The following HACE1 variants were observed in gnomAD, a reference collection of about 807,000 sequenced individuals.
The protein encoded by HACE1 is HECT domain and ankyrin repeat containing E3 ubiquitin protein ligase 1.
A neutral mutation model predicts 118.4 loss-of-function variants in HACE1; 73 were observed. The ratio of observed to expected loss-of-function variants is 0.62; its 90% CI spans 0.51 to 0.75. The LOEUF (loss-of-function observed/expected upper bound fraction) is 0.75, where lower values mean the gene tolerates loss of function less well. HACE1 is among the 30% of genes least tolerant of loss of function. The probability of loss-of-function intolerance (pLI) is 0.00; values close to 1 mark genes in which losing one functional copy is unlikely to be tolerated. For missense variants in HACE1, 749 were observed against 1,102.2 expected, an observed-to-expected ratio of 0.68 and a Z score of 4.54; for synonymous variants, 368 against 374.8, an observed-to-expected ratio of 0.98 and a Z score of 0.21.
chr6:104,750,879 T>C (rs149882838), intron 19 of HACE1, among the ~76,000 whole-genome samples: 9,607 of 152,248 alleles, frequency 0.063, 420 homozygotes, highest in Non-Finnish European at 0.09. Context: ...TTTAAAAATA[T>C]ATATATGTGT....
chr6:104,799,575 C>A (rs1302204645), intron 7 of HACE1, among the ~76,000 whole-genome samples: 1 of 152,094 alleles, frequency 6.6e-6, no homozygotes, highest in Admixed American at 6.5e-5. Context: ...GATGAGAAAA[C>A]CATGGCTCAA....
chr6:104,785,378 A>G, intron 11 of HACE1, 59 bp from the exon 12 acceptor site: 1 of 970,206 alleles, frequency 1.0e-6, no homozygotes, highest in Non-Finnish European at 1.6e-6. Flanking sequence ...TTAAAAAAAA[A>G]AAAACAAAAC....
At chr6:104,787,154 C>T (rs1302519968) in intron 11 of HACE1, 1 of 152,216 alleles carries the variant, frequency 6.6e-6, no homozygotes, top group East Asian at 1.9e-4. Context: ...AACAAAACCA[C>T]CACTACTACA....
chr6:104,850,387 TATG>T (rs1228061514), intron 3 of HACE1, among the ~76,000 whole-genome samples: 5 of 152,196 alleles, frequency 3.3e-5, no homozygotes, highest in African/African-American at 9.7e-5. Context: ...AAAGAAACCA[TATG>T]ATACTTTCAA....
intron 11 of HACE1, among the ~76,000 whole-genome samples, chr6:104,787,660 C>A (rs751343844): frequency 6.6e-6 from 1 of 152,090 alleles, no homozygotes; most frequent in Admixed American, 6.6e-5. Flanking sequence ...TAAGGCCTAA[C>A]GCAAGAAATG....
At chr6:104,790,486 C>T (rs1305921629) in intron 11 of HACE1, among the ~76,000 whole-genome samples, 2 of 152,214 alleles carry the variant, frequency 1.3e-5, no homozygotes, top group Non-Finnish European at 2.9e-5. Context: ...GGTGCAGTGG[C>T]TCACGCCTGC....
At chr6:104,769,670 T>C (rs1384493458) in intron 19 of HACE1, among the ~76,000 whole-genome samples, 1 of 152,184 alleles carries the variant, frequency 6.6e-6, no homozygotes, top group Admixed American at 6.5e-5. Context: ...ATTTTGCATA[T>C]AGTATGAAGA....
chr6:104,838,480 T>C (rs894580270), intron 5 of HACE1, among the ~76,000 whole-genome samples: 2 of 152,098 alleles, frequency 1.3e-5, no homozygotes, highest in Admixed American at 6.6e-5. Flanking sequence ...CTTCAATAAA[T>C]GGTGCGGGAA....
In HACE1 at chr6:104,859,311, A is replaced by G. The variant is rs141053166; in HGVS notation, c.76+256T>C. 739 of 466,774 alleles carry G rather than the reference A, an allele frequency of 1.6e-3. 4 individuals are homozygous for G. Among genetic ancestry groups the G allele is most frequent in the African/African-American group, 0.015 (695 of 47,844 alleles). 28.9% of individuals were successfully genotyped at this position (466,774 alleles called of 1,614,324 possible). ...AGACCCCTAATCGACAGACGTTGCG[A>G]GACCTTTGTCTCGCTCCTCCCAGCA... is the stretch of plus-strand genomic sequence containing the variant. On this transcript the variant is annotated intron_variant, in intron 1 of 23. Coordinates refer to ENST00000262903, the MANE Select transcript of HACE1 (RefSeq NM_020771.4).
At chr6:104,796,414 CT>C (rs1308685599) in intron 9 of HACE1, among the ~76,000 whole-genome samples, 5 of 152,112 alleles carry the variant, frequency 3.3e-5, no homozygotes, top group Non-Finnish European at 7.4e-5. Flanking sequence ...CCAGCCTATT[CT>C]AGTTATCTTA....
intron 17 of HACE1, among the ~76,000 whole-genome samples, chr6:104,774,910 C>T (rs1418182259): frequency 6.6e-6 from 1 of 152,196 alleles, no homozygotes; most frequent in Non-Finnish European, 1.5e-5. Flanking sequence ...ACATTCCCCA[C>T]ATTTAGAAAT....
At position 104,809,332 on chromosome 6, in the gene HACE1, C is replaced by T. The variant is rs1012777403; in HGVS notation, c.617+1979G>A. Among the ~76,000 whole-genome samples, 5 of 152,104 alleles carry T rather than the reference C, an allele frequency of 3.3e-5. No homozygotes were observed. In the East Asian group the frequency reaches 7.7e-4, roughly 23 times the overall value. Reference sequence around the variant, plus strand: ...CTGCGATCAAAAATCTGGGGAACGACCTGCTTAGATTGGTCAGGAACTGCC... The same window carrying T: ...CTGCGATCAAAAATCTGGGGAACGATCTGCTTAGATTGGTCAGGAACTGCC... On this transcript the variant is annotated intron_variant, in intron 7 of 23. Transcript: ENST00000262903.
At chr6:104,838,411 A>G in intron 5 of HACE1, among the ~76,000 whole-genome samples, 1 of 152,158 alleles carries the variant, frequency 6.6e-6, no homozygotes, top group East Asian at 1.9e-4. Flanking sequence ...CCACACATCT[A>G]CAGTGAACTC....
At chr6:104,742,127 G>T (rs1435898469) in intron 22 of HACE1, among the ~76,000 whole-genome samples, 1 of 133,270 alleles carries the variant, frequency 7.5e-6, no homozygotes, top group Non-Finnish European at 1.6e-5. Flanking sequence ...GCTGAAACTG[G>T]ATCTCTTCCT....
At chr6:104,772,833 T>C (rs905517847) in intron 17 of HACE1, among the ~76,000 whole-genome samples, 11 of 152,120 alleles carry the variant, frequency 7.2e-5, no homozygotes, top group African/African-American at 2.7e-4. Context: ...AGTAGATTAG[T>C]AGTTACCTAA....
chr6:104,796,580 C>T (rs951440079), intron 9 of HACE1, 75 bp downstream of exon 9: 8 of 796,854 alleles, frequency 1.0e-5, no homozygotes, highest in Middle Eastern at 2.3e-4. Context: ...AAGCTAAGCA[C>T]ATTTGTAAAA....
At chr6:104,793,100 T>C (rs906422855) in intron 10 of HACE1, among the ~76,000 whole-genome samples, 1 of 151,830 alleles carries the variant, frequency 6.6e-6, no homozygotes, top group African/African-American at 2.4e-5. Flanking sequence ...ACCCCGTCTC[T>C]ACTAAAAATA....
chr6:104,772,327 T>C (rs1780717413), intron 17 of HACE1, among the ~76,000 whole-genome samples: 1 of 152,168 alleles, frequency 6.6e-6, no homozygotes, highest in South Asian at 2.1e-4. Flanking sequence ...TAGAGTACTT[T>C]TGACTGAAAT....
intron 6 of HACE1, among the ~76,000 whole-genome samples, chr6:104,818,219 A>C (rs1436606452): frequency 6.6e-6 from 1 of 152,190 alleles, no homozygotes; most frequent in African/African-American, 2.4e-5. Flanking sequence ...TATAGCTTTC[A>C]AATATAAGAA....
Sources: allele counts gnomAD v4.1 joint callset (sites outside exome capture counted in the v4.1 genomes callset), GRCh38; gene constraint gnomAD v4.1.1; transcripts MANE v1.5; gene names NCBI Gene and HGNC (gene_info 2026-07-23, HGNC 2026-07-21).